TBC1D19: variants seen among roughly 807,000 people sequenced by gnomAD.
TBC1D19 encodes the protein TBC1 domain family member 19.
A neutral mutation model predicts 89.0 loss-of-function variants in TBC1D19; 60 were observed. The observed-to-expected ratio is 0.67, with a 90% confidence interval of 0.55 to 0.84. The LOEUF is 0.84. Ranked by LOEUF, TBC1D19 falls within the 40% of genes least tolerant of loss-of-function variation. The pLI, the probability that TBC1D19 is intolerant of heterozygous loss-of-function variation, is 0.00. For missense variants in TBC1D19, 500 were observed against 610.8 expected (o/e 0.82, Z 1.91); for synonymous variants, 189 against 199.7 (o/e 0.95, Z 0.45).
downstream of TBC1D19, among the ~76,000 whole-genome samples, chr4:26,759,319 A>G (rs1719381109): frequency 3.3e-5 from 5 of 152,310 alleles, no homozygotes; most frequent in South Asian, 8.3e-4. Flanking sequence ...CATCTATTCT[A>G]ATTCACTCAT....
intron 1 of TBC1D19, among the ~76,000 whole-genome samples, chr4:26,593,009 A>C (rs1739926542): frequency 2.0e-5 from 3 of 152,180 alleles, no homozygotes; most frequent in South Asian, 4.1e-4. Context: ...ATATGGAACC[A>C]AAAAAGATCC....
At chr4:26,824,967 T>A in the TBC1D19 span, among the ~76,000 whole-genome samples, 10 of 152,226 alleles carry the variant, frequency 6.6e-5, no homozygotes, top group African/African-American at 2.4e-4. Context: ...TATTTAAATT[T>A]ATAACAAGGC....
intron 18 of TBC1D19, among the ~76,000 whole-genome samples, chr4:26,744,714 C>G (rs1169293581): frequency 6.6e-6 from 1 of 151,896 alleles, no homozygotes; most frequent in African/African-American, 2.4e-5. Context: ...TGTTTTAATT[C>G]TGTTGCAGTT....
At chr4:26,806,123 G>C in the TBC1D19 span, among the ~76,000 whole-genome samples, 1 of 151,884 alleles carries the variant, frequency 6.6e-6, no homozygotes, top group Non-Finnish European at 1.5e-5. Flanking sequence ...ACTTGAGCCT[G>C]ACTCAAGCTT....
At chr4:26,835,929 G>A in the TBC1D19 span, among the ~76,000 whole-genome samples, 30 of 151,384 alleles carry the variant, frequency 2.0e-4, no homozygotes, top group Non-Finnish European at 3.7e-4. Flanking sequence ...TTCAAAATAC[G>A]TATGCTGCCT....
chr4:26,852,810 G>T, the TBC1D19 span, among the ~76,000 whole-genome samples: 3 of 152,056 alleles, frequency 2.0e-5, no homozygotes, highest in Admixed American at 1.3e-4. Context: ...TAGTAGAGAC[G>T]GGGTTTCACC....
intron 15 of TBC1D19, among the ~76,000 whole-genome samples, chr4:26,725,671 C>G (rs565535030): frequency 9.2e-5 from 14 of 152,134 alleles, no homozygotes; most frequent in Non-Finnish European, 1.8e-4. Flanking sequence ...CCTCAGCCTC[C>G]TAAATTTCTG....
chr4:26,821,693 T>C, the TBC1D19 span, among the ~76,000 whole-genome samples: 5 of 152,198 alleles, frequency 3.3e-5, no homozygotes, highest in Non-Finnish European at 7.4e-5. Flanking sequence ...AGTGGTTCAA[T>C]GGTGGGGCTG....
chr4:26,770,049 CAGAT>C, the TBC1D19 span, among the ~76,000 whole-genome samples: 2 of 148,428 alleles, frequency 1.3e-5, no homozygotes, highest in South Asian at 4.2e-4. Context: ...AAACAAAAAA[CAGAT>C]GGAGAAAAAT....
chr4:26,808,400 C>G, the TBC1D19 span, among the ~76,000 whole-genome samples: 1 of 152,124 alleles, frequency 6.6e-6, no homozygotes, highest in Non-Finnish European at 1.5e-5. Flanking sequence ...TAGGTCACCT[C>G]TAAGATGACA....
chr4:26,771,960 T>G, the TBC1D19 span, among the ~76,000 whole-genome samples: 4 of 152,062 alleles, frequency 2.6e-5, no homozygotes, highest in Non-Finnish European at 5.9e-5. Flanking sequence ...GGTTCTTCAA[T>G]GCAGTCAGTA....
the TBC1D19 span, among the ~76,000 whole-genome samples, chr4:26,848,547 A>G: frequency 0.011 from 1,656 of 152,344 alleles, 25 homozygotes; most frequent in Non-Finnish European, 0.013. Context: ...AACAGGAATG[A>G]ACACTGAGAC....
chr4:26,826,695 C>T, the TBC1D19 span, among the ~76,000 whole-genome samples: 1 of 152,126 alleles, frequency 6.6e-6, no homozygotes, highest in Admixed American at 6.5e-5. Flanking sequence ...AAAGTTTGGC[C>T]TAATGGCATT....
chr4:26,817,479 A>G, the TBC1D19 span, among the ~76,000 whole-genome samples: 2 of 152,084 alleles, frequency 1.3e-5, no homozygotes, highest in African/African-American at 4.8e-5. Flanking sequence ...GAGCTGTTCA[A>G]CTTTTTTTAC....
chr4:26,710,270 G>C (rs1237696162), intron 13 of TBC1D19, among the ~76,000 whole-genome samples: 1 of 152,068 alleles, frequency 6.6e-6, no homozygotes, highest in African/African-American at 2.4e-5. Context: ...CTATGAGTGA[G>C]AACATGCGGT....
At chr4:26,752,570 T>G (rs538909780) in intron 19 of TBC1D19, among the ~76,000 whole-genome samples, 1 of 152,234 alleles carries the variant, frequency 6.6e-6, no homozygotes, top group South Asian at 2.1e-4. Context: ...TACCATTAAT[T>G]TCCTAAACTT....
chr4:26,598,556 A>G (rs1015191322), intron 1 of TBC1D19, among the ~76,000 whole-genome samples: 9 of 152,054 alleles, frequency 5.9e-5, no homozygotes, highest in Non-Finnish European at 1.2e-4. Context: ...CACCACGCCC[A>G]GCTAATTTTT....
At chr4:26,611,179 G>T (rs1419470301) in intron 1 of TBC1D19, among the ~76,000 whole-genome samples, 1 of 151,938 alleles carries the variant, frequency 6.6e-6, no homozygotes, top group African/African-American at 2.4e-5. Context: ...GTTTTGATTT[G>T]CATTTCTTTA....
At chr4:26,675,303 C>G (rs1323726792) in intron 11 of TBC1D19, among the ~76,000 whole-genome samples, 1 of 151,976 alleles carries the variant, frequency 6.6e-6, no homozygotes, top group Non-Finnish European at 1.5e-5. Context: ...ATCCTAATAA[C>G]CCCACGTAAT....
Sources: allele counts gnomAD v4.1 joint callset (sites outside exome capture counted in the v4.1 genomes callset), GRCh38; gene constraint gnomAD v4.1.1; transcripts MANE v1.5; gene names NCBI Gene and HGNC (gene_info 2026-07-23, HGNC 2026-07-21).